Variants in FSTL5 observed in about 807,000 individuals in gnomAD.
FSTL5 encodes follistatin-related protein 5.
FSTL5 carries 62 observed loss-of-function variants against 89.1 expected under a neutral mutation model. The observed-to-expected ratio is 0.70, with a 90% CI of 0.57 to 0.86. FSTL5 has a LOEUF of 0.86. Ranked by LOEUF, FSTL5 falls within the 40% of genes least tolerant of loss-of-function variation. FSTL5 has a pLI of 0.00. For synonymous variants in FSTL5, 383 were observed against 346.2 expected, an observed-to-expected ratio of 1.11 and a Z score of -1.18; for missense variants, 1,057 against 1,001.6, an observed-to-expected ratio of 1.06 and a Z score of -0.75.
At chr4:161,806,026 G>C (rs1238003648) in intron 4 of FSTL5, among the ~76,000 whole-genome samples, 1 of 151,984 alleles carries the variant, frequency 6.6e-6, no homozygotes, top group Non-Finnish European at 1.5e-5. Flanking sequence ...TTTGTCATAG[G>C]TATGTTCATA....
chr4:161,901,382 T>C (rs969358330), intron 4 of FSTL5, among the ~76,000 whole-genome samples: 3 of 152,270 alleles, frequency 2.0e-5, no homozygotes, highest in South Asian at 2.1e-4. Context: ...TTAGTACTGA[T>C]GTATAGGAAG....
At chr4:161,806,843 A>G (rs1729982574) in intron 4 of FSTL5, among the ~76,000 whole-genome samples, 1 of 152,146 alleles carries the variant, frequency 6.6e-6, no homozygotes. Context: ...TAATACAGAG[A>G]TAGGTTCATG....
intron 4 of FSTL5, among the ~76,000 whole-genome samples, chr4:161,906,841 A>C (rs755634421): frequency 6.6e-6 from 1 of 151,984 alleles, no homozygotes; most frequent in East Asian, 1.9e-4. Flanking sequence ...GGCATGACAT[A>C]CTCTTTATTT....
At chr4:161,982,945 G>C (rs984444872) in intron 3 of FSTL5, among the ~76,000 whole-genome samples, 1 of 152,040 alleles carries the variant, frequency 6.6e-6, no homozygotes, top group Non-Finnish European at 1.5e-5. Flanking sequence ...CTAGGTTTTG[G>C]AAACTTCTAC....
intron 4 of FSTL5, among the ~76,000 whole-genome samples, chr4:161,827,647 G>T (rs2126857505): frequency 6.6e-6 from 1 of 152,244 alleles, no homozygotes; most frequent in East Asian, 1.9e-4. Flanking sequence ...GGAAGATGGG[G>T]GCATGGTTCT....
rs78668307 is a variant in FSTL5, at chr4:161,979,207, T to C, written c.160+54418A>G. ...TGGCTTATTCTTTTGGACTCTTTCC[T>C]TTCACCATAAGAAGAATATGACTTG... is the stretch of plus-strand genomic sequence containing the variant. On this transcript the variant is annotated intron_variant, in intron 3 of 15. Transcript: ENST00000306100. 0.013 allele frequency among the ~76,000 whole-genome samples: 1,919 copies of C among 152,230 alleles called. 128 individuals carry two copies. The East Asian group carries it at 0.2, about 16-fold the overall frequency.
intron 10 of FSTL5, among the ~76,000 whole-genome samples, chr4:161,532,015 T>A (rs976533130): frequency 1.3e-5 from 2 of 151,774 alleles, no homozygotes; most frequent in African/African-American, 4.8e-5. Context: ...CCACCCTGGT[T>A]AACATGGTGA....
intron 6 of FSTL5, among the ~76,000 whole-genome samples, chr4:161,680,026 C>T (rs1737462261): frequency 6.6e-6 from 1 of 151,648 alleles, no homozygotes. Flanking sequence ...TGTATTCTTC[C>T]AGTTATTTTT....
Position 161,759,429 on chromosome 4 carries a change from C to T in FSTL5, c.709G>A (p.Glu237Lys). 6.3e-7 allele frequency: 1 copy of T among 1,592,086 alleles called. No homozygotes were observed. Residue 237 changes from glutamate (E) to lysine (K), a missense_variant, in exon 6 of 16, where the codon GAA becomes AAA. By Grantham distance (56) the Glu-to-Lys change is moderately conservative. Around this residue, in one of 3 missense-constraint regions of FSTL5, gnomAD observed 980 missense variants for 903.2 expected, o/e 1.08. Coordinates refer to ENST00000306100, the MANE Select transcript of FSTL5 (RefSeq NM_020116.5). ...TACTCACGGAATGCTCTATAAAATT[C>T]TTCAAGAGCCAGGTGCTTGTCAGCA... is the stretch of plus-strand genomic sequence containing the variant. Reference protein sequence around the residue: ...FNADKHLALEEFYRAFQVIQL... With the variant: ...FNADKHLALEKFYRAFQVIQL...
At chr4:161,598,375 A>AAAACAAAC (rs34689880) in intron 7 of FSTL5, among the ~76,000 whole-genome samples, 5,518 of 149,760 alleles carry the variant, frequency 0.037, 195 homozygotes, top group East Asian at 0.19. Context: ...ACCCTGTCTC[A>AAAACAAAC]AAACAAACAA....
chr4:161,830,062 A>G (rs1485196361), intron 4 of FSTL5, among the ~76,000 whole-genome samples: 1 of 152,124 alleles, frequency 6.6e-6, no homozygotes, highest in Non-Finnish European at 1.5e-5. Flanking sequence ...ACAAAAAAAT[A>G]TGGACTTCCT....
At chr4:161,699,942 C>T (rs995411346) in intron 6 of FSTL5, among the ~76,000 whole-genome samples, 2 of 152,100 alleles carry the variant, frequency 1.3e-5, no homozygotes, top group Non-Finnish European at 2.9e-5. Context: ...AGAATCATTA[C>T]CGCTGGATTT....
chr4:161,991,924 G>A (rs1736123614), intron 3 of FSTL5, among the ~76,000 whole-genome samples: 1 of 152,150 alleles, frequency 6.6e-6, no homozygotes. Flanking sequence ...GGATATAAGA[G>A]AATAAACCAT....
At chr4:161,865,577 T>C (rs892137507) in intron 4 of FSTL5, among the ~76,000 whole-genome samples, 4 of 152,280 alleles carry the variant, frequency 2.6e-5, no homozygotes, top group Admixed American at 2.6e-4. Context: ...TGATAAGACA[T>C]AGAAGCAGTG....
chr4:161,715,666 T>A (rs539513478), intron 6 of FSTL5, among the ~76,000 whole-genome samples: 1 of 152,176 alleles, frequency 6.6e-6, no homozygotes, highest in African/African-American at 2.4e-5. Context: ...AAGTTCCATC[T>A]CAATAGCTCC....
chr4:161,409,238 A>T (rs1222119226), intron 15 of FSTL5, among the ~76,000 whole-genome samples: 1 of 152,198 alleles, frequency 6.6e-6, no homozygotes, highest in Non-Finnish European at 1.5e-5. Flanking sequence ...TATAAGCTAG[A>T]AGAGACTGGG....
intron 8 of FSTL5, among the ~76,000 whole-genome samples, chr4:161,557,149 T>G (rs1732423020): frequency 6.6e-6 from 1 of 151,476 alleles, no homozygotes; most frequent in Non-Finnish European, 1.5e-5. Context: ...GTATCATCAC[T>G]TTATACTTTA....
intron 15 of FSTL5, 49 bp downstream of exon 15, chr4:161,454,955 A>G (rs372338778): frequency 1.3e-6 from 2 of 1,555,198 alleles, no homozygotes; most frequent in African/African-American, 2.7e-5. Context: ...GCTTTCTATT[A>G]TAATAGAGAC....
intron 3 of FSTL5, among the ~76,000 whole-genome samples, chr4:162,013,320 T>C (rs180679460): frequency 5.4e-4 from 82 of 152,272 alleles, no homozygotes; most frequent in African/African-American, 1.6e-3. Flanking sequence ...AAGTGGAGAT[T>C]AGATGGAGGA....
Sources: gnomAD v4.1 joint callset for allele counts (sites outside exome capture counted in the v4.1 genomes callset) on GRCh38, gnomAD v4.1.1 for gene constraint, gnomAD v4.1.1 regional missense constraint, MANE v1.5 for transcripts, NCBI Gene and HGNC (gene_info 2026-07-23, HGNC 2026-07-21) for gene names.